PCNX2: variants seen among roughly 807,000 people sequenced by gnomAD.
PCNX2 encodes the protein pecanex-like protein 2.
In PCNX2, 168 loss-of-function variants were observed where a neutral mutation model predicts 223.8. The observed-to-expected ratio is 0.75, with a 90% CI of 0.66 to 0.85. PCNX2 has a LOEUF of 0.85. Among genes scored for constraint, PCNX2 ranks in the 40% least tolerant of loss-of-function variants. The pLI is 0.00. For synonymous variants in PCNX2, 1,006 were observed against 1,052.6 expected (o/e 0.96, Z 0.86); for missense variants, 2,507 against 2,675.5 (o/e 0.94, Z 1.39).
intron 8 of PCNX2, among the ~76,000 whole-genome samples, chr1:233,246,830 A>G (rs889166993): frequency 6.6e-6 from 1 of 152,192 alleles, no homozygotes; most frequent in Non-Finnish European, 1.5e-5. Context: ...GCACACATGC[A>G]CTAGTATGTT....
intron 21 of PCNX2, among the ~76,000 whole-genome samples, chr1:233,128,500 AATTCTTGT>A (rs1400053213): frequency 1.3e-5 from 2 of 151,760 alleles, no homozygotes; most frequent in African/African-American, 4.8e-5. Flanking sequence ...ACGCCCAACT[AATTCTTGT>A]ATTTTCAGTA....
rs1158882740 is a variant in PCNX2 at position 233,175,262 on chromosome 1, A to T, written c.3273+2540T>A. On this transcript the variant is annotated intron_variant, in intron 17 of 33. Transcript: ENST00000258229. ...TTAAAATATTATAATTAGGCCAGAG[A>T]CTTTTCAGAGAAATGAACACAAACA... Among the ~76,000 whole-genome samples the T allele has an allele frequency of 2.6e-5, 4 of 152,200 alleles. No individual in the cohort carries two copies. In the East Asian group the frequency reaches 7.7e-4, roughly 29 times the overall value.
chr1:233,216,647 A>G (rs987791067), intron 12 of PCNX2, among the ~76,000 whole-genome samples: 1 of 152,196 alleles, frequency 6.6e-6, no homozygotes, highest in African/African-American at 2.4e-5. Flanking sequence ...TCTCAAAAAG[A>G]AAATAAAAAT....
chr1:233,139,985 CATGAT>C lies in PCNX2; in HGVS notation c.3518-135_3518-131del. 1 of 1,122,104 alleles carries C rather than the reference CATGAT, an allele frequency of 8.9e-7. No homozygotes were observed. The highest frequency in any genetic ancestry group is 1.8e-5 in the South Asian group (1 of 57,024). The allele number at this position is 1,122,104 out of a possible 1,614,324, so 69.5% of individuals were successfully genotyped here. ...CTAATTAAGAACTCGTGATACTAGACATGATATACCATTTTTTTCCAGGCAGCAAC... is the reference window on the plus strand; with the variant it reads ...CTAATTAAGAACTCGTGATACTAGACATACCATTTTTTTCCAGGCAGCAAC... On this transcript the variant is annotated intron_variant, in intron 19 of 33. Coordinates refer to ENST00000258229, the MANE Select transcript of PCNX2 (RefSeq NM_014801.4). This position sits in a 1 kb window ranked among gnomAD's most constrained non-coding sequence, Gnocchi z 4.4.
chr1:233,084,385 A>G (rs1572086366), intron 23 of PCNX2, among the ~76,000 whole-genome samples: 1 of 152,262 alleles, frequency 6.6e-6, no homozygotes, highest in African/African-American at 2.4e-5. Flanking sequence ...AGCCTAGCAC[A>G]GTACACTCGC....
intron 21 of PCNX2, among the ~76,000 whole-genome samples, chr1:233,113,617 C>T (rs1418054620): frequency 6.6e-6 from 1 of 152,208 alleles, no homozygotes; most frequent in Non-Finnish European, 1.5e-5. Flanking sequence ...GAAAGAAATA[C>T]AGCAGTGGTC....
At chr1:233,314,703 T>C in the PCNX2 span, among the ~76,000 whole-genome samples, 3 of 152,238 alleles carry the variant, frequency 2.0e-5, 1 homozygote, top group South Asian at 6.2e-4. Flanking sequence ...TTTCAAGATG[T>C]TTAATTTGAA....
At chr1:233,176,373 G>A (rs961208516) in intron 17 of PCNX2, among the ~76,000 whole-genome samples, 3 of 151,808 alleles carry the variant, frequency 2.0e-5, no homozygotes, top group African/African-American at 7.3e-5. Flanking sequence ...TTCTTCTCCC[G>A]TGCTCCACCC....
intron 15 of PCNX2, among the ~76,000 whole-genome samples, chr1:233,194,993 G>A (rs1680639893): frequency 6.8e-6 from 1 of 148,088 alleles, no homozygotes. Flanking sequence ...CTCCAGCCTG[G>A]GTAACAGAGT....
chr1:233,226,459 A>G (rs112284230), intron 10 of PCNX2, among the ~76,000 whole-genome samples: 4,516 of 152,144 alleles, frequency 0.03, 85 homozygotes, highest in South Asian at 0.049. Context: ...TAGTAGAGAT[A>G]GGATTTCACC....
chr1:233,309,828 A>G, the PCNX2 span, among the ~76,000 whole-genome samples: 1 of 151,870 alleles, frequency 6.6e-6, no homozygotes, highest in Non-Finnish European at 1.5e-5. Context: ...CAGTGAGCTG[A>G]TTTTGCACCA....
chr1:233,085,707 A>G (rs1226186637), intron 23 of PCNX2, among the ~76,000 whole-genome samples: 3 of 152,150 alleles, frequency 2.0e-5, no homozygotes, highest in Non-Finnish European at 1.5e-5. Context: ...TCACTAGAAA[A>G]CTTTTGCTGA....
chr1:233,308,661 T>G, the PCNX2 span, among the ~76,000 whole-genome samples: 11,068 of 152,142 alleles, frequency 0.073, 446 homozygotes, highest in Non-Finnish European at 0.088. Context: ...AACTAAACTA[T>G]TTTTAATCCT....
chr1:233,166,982 T>TA lies in PCNX2; in HGVS notation c.3274-5620dup, dbSNP rs1161507442. Among the ~76,000 whole-genome samples the TA allele has an allele frequency of 1.5e-4, 23 of 150,704 alleles. No individual in the cohort carries two copies. The East Asian group carries it at 2.1e-3, about 14-fold the overall frequency. ...CATAATGGGAACCCATCTCTATATT[T>TA]AAAAAAAAAGATACTAAAAACAGAA... On this transcript the variant is annotated intron_variant, in intron 17 of 33. Coordinates refer to ENST00000258229, the MANE Select transcript of PCNX2 (RefSeq NM_014801.4).
At chr1:233,208,822 T>C (rs1369525977) in intron 12 of PCNX2, 133 bp from the exon 13 acceptor site, 25 of 19,620 alleles carry the variant, frequency 1.3e-3, no homozygotes, top group Non-Finnish European at 1.7e-3. Context: ...CCACAATTCA[T>C]ATACAAAAAA....
At chr1:233,202,859 G>A (rs1398813037) in intron 13 of PCNX2, among the ~76,000 whole-genome samples, 1 of 152,190 alleles carries the variant, frequency 6.6e-6, no homozygotes, top group Non-Finnish European at 1.5e-5. Flanking sequence ...AACCCATCCA[G>A]TGCTTGGACC....
chr1:232,998,937 C>T (rs1337744881), intron 31 of PCNX2, among the ~76,000 whole-genome samples, 168 bp downstream of exon 31: 1 of 152,192 alleles, frequency 6.6e-6, no homozygotes, highest in Non-Finnish European at 1.5e-5. Flanking sequence ...TAATCTGAGA[C>T]TGCTTGCTGA....
the PCNX2 span, among the ~76,000 whole-genome samples, chr1:233,314,893 G>T: frequency 6.6e-6 from 1 of 152,146 alleles, no homozygotes; most frequent in Non-Finnish European, 1.5e-5. Context: ...AAAAGATTAG[G>T]AAGACTTCAA....
rs761563903 is a variant in PCNX2 at position 232,984,356 on chromosome 1, TC to T, written c.6361del (p.Asp2121ThrfsTer74). The T allele has an allele frequency of 6.2e-7, 1 of 1,613,408 alleles. No individual in the cohort carries two copies. The highest frequency in any genetic ancestry group is 1.1e-5 in the South Asian group (1 of 91,050). On this transcript the variant is annotated frameshift_variant, in exon 34 of 34. Transcript: ENST00000258229. LOFTEE classifies it high-confidence loss of function. ...GVVCRRASQE[D>X]MGLDDTASQQ... Reference sequence around the variant, plus strand: ...CGAGGCCGTGTCGTCCAGGCCCATGTCCTCCTGGCTTGCTCTCCTGCAGACA... The same window carrying T: ...CGAGGCCGTGTCGTCCAGGCCCATGTCTCCTGGCTTGCTCTCCTGCAGACA...
Sources: allele counts gnomAD v4.1 joint callset (sites outside exome capture counted in the v4.1 genomes callset), GRCh38; gene constraint gnomAD v4.1.1; non-coding constraint Gnocchi (gnomAD v3.1); transcripts MANE v1.5; gene names NCBI Gene and HGNC (gene_info 2026-07-23, HGNC 2026-07-21).